SYN2: variants seen among roughly 807,000 people sequenced by gnomAD.
The protein encoded by SYN2 is synapsin II.
In SYN2, 19 loss-of-function variants were observed where a neutral mutation model predicts 50.9. The ratio of observed to expected loss-of-function variants is 0.37; its 90% CI spans 0.26 to 0.55. SYN2 has a LOEUF of 0.55. Ranked by LOEUF, SYN2 falls within the 20% of genes least tolerant of loss-of-function variation. SYN2 has a pLI of 0.81. For synonymous variants in SYN2, 255 were observed against 224.9 expected, an observed-to-expected ratio of 1.13 and a Z score of -1.20; for missense variants, 587 against 576.4, an observed-to-expected ratio of 1.02 and a Z score of -0.19.
chr3:12,043,698 T>C (rs1014354045), intron 1 of SYN2, among the ~76,000 whole-genome samples: 3 of 152,174 alleles, frequency 2.0e-5, no homozygotes, highest in Non-Finnish European at 1.5e-5. Context: ...TTCTACTGGG[T>C]TGGTTAAAGA....
At chr3:12,182,195 G>A (rs910786196) in intron 10 of SYN2, among the ~76,000 whole-genome samples, 3 of 152,218 alleles carry the variant, frequency 2.0e-5, no homozygotes, top group Admixed American at 6.5e-5. Context: ...ATGTCCAAGG[G>A]AAATGGGGAG....
chr3:12,057,249 G>A (rs1435896227), intron 1 of SYN2, among the ~76,000 whole-genome samples: 1 of 151,240 alleles, frequency 6.6e-6, no homozygotes, highest in Admixed American at 6.6e-5. Flanking sequence ...CCAAGATCGT[G>A]CCACTGCACT....
At chr3:12,069,416 T>G (rs943196043) in intron 1 of SYN2, among the ~76,000 whole-genome samples, 49 of 152,082 alleles carry the variant, frequency 3.2e-4, no homozygotes, top group African/African-American at 1.1e-3. Context: ...GTGTGGCTAA[T>G]TTTTGTATTT....
chr3:12,117,223 C>A (rs1696454173), intron 1 of SYN2, among the ~76,000 whole-genome samples: 1 of 152,208 alleles, frequency 6.6e-6, no homozygotes, highest in African/African-American at 2.4e-5. Context: ...GATGTACCAT[C>A]ACTGTGATCT....
At chr3:12,054,163 G>A (rs1157031728) in intron 1 of SYN2, among the ~76,000 whole-genome samples, 1 of 152,204 alleles carries the variant, frequency 6.6e-6, no homozygotes, top group Non-Finnish European at 1.5e-5. Flanking sequence ...ACATTTCCAT[G>A]TGGGCTATCC....
intron 1 of SYN2, among the ~76,000 whole-genome samples, chr3:12,099,589 AAAAG>A (rs1696020176): frequency 6.6e-6 from 1 of 152,176 alleles, no homozygotes; most frequent in African/African-American, 2.4e-5. Context: ...CCTATATTGA[AAAAG>A]AAGGAAGATT....
At chr3:12,119,530 C>T (rs1371859397) in intron 1 of SYN2, among the ~76,000 whole-genome samples, 1 of 152,190 alleles carries the variant, frequency 6.6e-6, no homozygotes, top group African/African-American at 2.4e-5. Flanking sequence ...TCCCCCCTAA[C>T]AGCTGTTTTT....
chr3:12,090,738 T>G (rs561785971), intron 1 of SYN2, among the ~76,000 whole-genome samples: 1 of 152,170 alleles, frequency 6.6e-6, no homozygotes, highest in Non-Finnish European at 1.5e-5. Context: ...CTTGGCCTAA[T>G]TGATGTCGTG....
chr3:12,027,989 A>AT (rs1296116423), intron 1 of SYN2, among the ~76,000 whole-genome samples: 16 of 128,316 alleles, frequency 1.2e-4, no homozygotes, highest in Non-Finnish European at 3.2e-5. Flanking sequence ...TCTTTTTTTT[A>AT]TTTTTTTATT....
At chr3:12,097,376 A>G (rs1184347604) in intron 1 of SYN2, among the ~76,000 whole-genome samples, 3 of 151,920 alleles carry the variant, frequency 2.0e-5, no homozygotes, top group Non-Finnish European at 4.4e-5. Flanking sequence ...GGAGGCCAAG[A>G]TGGGTGGATA....
intron 1 of SYN2, among the ~76,000 whole-genome samples, chr3:12,015,591 A>G (rs950369819): frequency 2.6e-5 from 4 of 152,258 alleles, no homozygotes; most frequent in African/African-American, 9.6e-5. Flanking sequence ...GTAAAGTGCT[A>G]TAGAAGCATT....
Position 12,168,443 on chromosome 3 carries a change from G to A in SYN2, c.1123G>A (p.Val375Ile), listed in dbSNP as rs1697857335. The A allele has an allele frequency of 1.2e-6, 2 of 1,613,938 alleles. No individual in the cohort carries two copies. The highest frequency in any genetic ancestry group is 2.7e-5 in the African/African-American group (2 of 75,030). Reference protein sequence around the residue: ...GGLDICAVKAVHGKDGKDYIF... With the variant: ...GGLDICAVKAIHGKDGKDYIF... ...CCTGGACATCTGTGCTGTCAAAGCT[G>A]TACATGGCAAAGATGGGAAAGACTA... Residue 375 changes from valine (V) to isoleucine (I), a missense_variant, in exon 9 of 13, where the codon GTA (valine) becomes ATA (isoleucine). Val to Ile is a conservative substitution (Grantham distance 29). Transcript: ENST00000621198.
At chr3:12,093,086 C>T (rs1252181462) in intron 1 of SYN2, among the ~76,000 whole-genome samples, 3 of 152,174 alleles carry the variant, frequency 2.0e-5, no homozygotes, top group African/African-American at 7.2e-5. Context: ...AGTAAAATAA[C>T]ATGAAAGTAA....
chr3:12,146,404 C>T (rs962941627), intron 4 of SYN2, among the ~76,000 whole-genome samples: 3 of 152,106 alleles, frequency 2.0e-5, no homozygotes, highest in Admixed American at 6.5e-5. Flanking sequence ...CTAATTCTGA[C>T]CTTAACCTTT....
At chr3:12,177,350 T>C (rs2125250140) in intron 10 of SYN2, among the ~76,000 whole-genome samples, 1 of 152,308 alleles carries the variant, frequency 6.6e-6, no homozygotes, top group Non-Finnish European at 1.5e-5. Context: ...CCATTGTTAG[T>C]GTTAGTGTAT....
intron 5 of SYN2, among the ~76,000 whole-genome samples, chr3:12,160,898 G>A (rs1697630851): frequency 6.6e-6 from 1 of 152,142 alleles, no homozygotes; most frequent in South Asian, 2.1e-4. Context: ...TGTAGAGTTC[G>A]CTCCCCTAAG....
At chr3:12,123,034 G>A (rs755421421) in intron 1 of SYN2, among the ~76,000 whole-genome samples, 22 of 152,262 alleles carry the variant, frequency 1.4e-4, no homozygotes, top group Middle Eastern at 3.4e-3. Flanking sequence ...GGAAGGTAAA[G>A]CTGAAATTAC....
rs192011487 is a variant in SYN2 at position 12,174,386 on chromosome 3, C to G, written c.1308+4480C>G. ...TATGTAGGCCCCTACCTGCCTCTTTCCCTTGTACTATCCTAACTGTTGCTC... is the reference window on the plus strand; with the variant it reads ...TATGTAGGCCCCTACCTGCCTCTTTGCCTTGTACTATCCTAACTGTTGCTC... On this transcript the variant is annotated intron_variant, in intron 10 of 12. Coordinates refer to ENST00000621198, the MANE Select transcript of SYN2 (RefSeq NM_133625.6). Among the ~76,000 whole-genome samples, 537 of 152,270 alleles carry G rather than the reference C, an allele frequency of 3.5e-3. 2 individuals carry two copies. The highest frequency in any genetic ancestry group is 0.012 in the African/African-American group (509 of 41,566).
chr3:12,175,257 A>G (rs1698039628), intron 10 of SYN2, among the ~76,000 whole-genome samples: 1 of 152,200 alleles, frequency 6.6e-6, no homozygotes, highest in Non-Finnish European at 1.5e-5. Flanking sequence ...GAGTGAGTTC[A>G]CCATTTGGAA....
Sources: allele counts gnomAD v4.1 joint callset (sites outside exome capture counted in the v4.1 genomes callset), GRCh38; gene constraint gnomAD v4.1.1; transcripts MANE v1.5; gene names NCBI Gene and HGNC (gene_info 2026-07-23, HGNC 2026-07-21).